RBMS3: variants seen among roughly 807,000 people sequenced by gnomAD.
RBMS3 encodes RNA-binding motif, single-stranded-interacting protein 3.
A neutral mutation model predicts 66.8 loss-of-function variants in RBMS3; 27 were observed. The ratio of observed to expected loss-of-function variants is 0.40; its 90% CI spans 0.30 to 0.56. The LOEUF is 0.56. RBMS3 is among the 20% of genes least tolerant of loss of function. The pLI, the probability that RBMS3 is intolerant of heterozygous loss-of-function variation, is 0.40. For missense variants in RBMS3, 513 were observed against 549.5 expected, an observed-to-expected ratio of 0.93 and a Z score of 0.66; for synonymous variants, 188 against 183.0, an observed-to-expected ratio of 1.03 and a Z score of -0.22.
chr3:29,308,813 A>G (rs910295865), intron 1 of RBMS3, among the ~76,000 whole-genome samples: 15 of 150,582 alleles, frequency 1.0e-4, no homozygotes, highest in Non-Finnish European at 5.9e-5. Flanking sequence ...AAAAAAAAAA[A>G]AAGAAGAAAG....
chr3:29,560,635 C>G (rs1240955850), intron 3 of RBMS3, among the ~76,000 whole-genome samples: 2 of 152,164 alleles, frequency 1.3e-5, no homozygotes, highest in African/African-American at 4.8e-5. Flanking sequence ...CAATAACATA[C>G]AATGGAATTA....
intron 1 of RBMS3, among the ~76,000 whole-genome samples, chr3:29,384,809 G>C (rs2038935208): frequency 1.3e-5 from 2 of 152,198 alleles, no homozygotes; most frequent in Admixed American, 6.5e-5. Context: ...GAGGGCCTCT[G>C]ACATTCCTCA....
chr3:29,864,499 G>T (rs570748073), intron 6 of RBMS3, among the ~76,000 whole-genome samples: 2 of 152,242 alleles, frequency 1.3e-5, no homozygotes, highest in East Asian at 3.9e-4. Flanking sequence ...TGTTGTTGTT[G>T]TTGTTGAAGA....
chr3:29,631,284 A>G (rs1284165611), intron 4 of RBMS3, among the ~76,000 whole-genome samples: 2 of 151,914 alleles, frequency 1.3e-5, no homozygotes, highest in African/African-American at 4.8e-5. Context: ...ATAGATGAAT[A>G]ATAACCTTGC....
chr3:29,732,462 G>A (rs1169384082), intron 4 of RBMS3, among the ~76,000 whole-genome samples: 3 of 152,112 alleles, frequency 2.0e-5, no homozygotes, highest in African/African-American at 7.2e-5. Flanking sequence ...CCCAGAAAAT[G>A]GTTTGACCAA....
At chr3:29,991,251 C>CATCTTGACATCACTCTCTCATGTTGT in intron 14 of RBMS3, 42 bp downstream of exon 14, 11 of 1,612,808 alleles carry the variant, frequency 6.8e-6, no homozygotes, top group Non-Finnish European at 9.3e-6. Flanking sequence ...CAAGATCAGC[C>CATCTTGACATCACTCTCTCATGTTGT]ATCTTGACAT....
chr3:29,873,047 T>C (rs1323647000), intron 7 of RBMS3, among the ~76,000 whole-genome samples: 1 of 152,204 alleles, frequency 6.6e-6, no homozygotes, highest in African/African-American at 2.4e-5. Context: ...AACTTTGTTC[T>C]TTCTGCTTAG....
At chr3:29,966,677 CTTTA>C (rs1267453525) in intron 12 of RBMS3, among the ~76,000 whole-genome samples, 4 of 152,198 alleles carry the variant, frequency 2.6e-5, no homozygotes, top group African/African-American at 7.2e-5. Flanking sequence ...TTTGGATGCC[CTTTA>C]TTTATTTCTC....
At chr3:29,670,355 G>T (rs1435964724) in intron 4 of RBMS3, among the ~76,000 whole-genome samples, 1 of 152,168 alleles carries the variant, frequency 6.6e-6, no homozygotes, top group African/African-American at 2.4e-5. Flanking sequence ...GAAGACGGAT[G>T]ATTTCTGCAT....
intron 1 of RBMS3, among the ~76,000 whole-genome samples, chr3:29,324,019 C>A (rs568811915): frequency 6.6e-6 from 1 of 150,644 alleles, no homozygotes; most frequent in South Asian, 2.1e-4. Context: ...AAATTCACTG[C>A]AAGCTAAATT....
chr3:29,991,678 C>T (rs1187906116), intron 14 of RBMS3: 1 of 152,508 alleles, frequency 6.6e-6, no homozygotes, highest in East Asian at 1.9e-4. Context: ...TTTGAAAAAG[C>T]TTGATATAGA....
intron 2 of RBMS3, among the ~76,000 whole-genome samples, chr3:29,481,445 C>G (rs1029448530): frequency 6.6e-6 from 1 of 152,102 alleles, no homozygotes; most frequent in Non-Finnish European, 1.5e-5. Context: ...CAGTGAGAAC[C>G]AAGAAATGGT....
At chr3:29,603,136 A>G (rs1023080711) in intron 4 of RBMS3, among the ~76,000 whole-genome samples, 14 of 152,038 alleles carry the variant, frequency 9.2e-5, no homozygotes, top group African/African-American at 3.4e-4. Context: ...TATCTTCTGA[A>G]CCAACCACAG....
chr3:29,778,655 A>T (rs2056511141), intron 6 of RBMS3, among the ~76,000 whole-genome samples: 1 of 151,846 alleles, frequency 6.6e-6, no homozygotes, highest in South Asian at 2.1e-4. Flanking sequence ...CCAGGATTTA[A>T]TTCTGTCACC....
At chr3:29,661,252 T>G (rs2050535715) in intron 4 of RBMS3, among the ~76,000 whole-genome samples, 1 of 152,158 alleles carries the variant, frequency 6.6e-6, no homozygotes, top group African/African-American at 2.4e-5. Flanking sequence ...GTTGTCCAGG[T>G]GGGGAGACAA....
At chr3:29,802,773 G>A (rs999571453) in intron 6 of RBMS3, among the ~76,000 whole-genome samples, 1 of 152,168 alleles carries the variant, frequency 6.6e-6, no homozygotes, top group South Asian at 2.1e-4. Flanking sequence ...TGGTGGCCTA[G>A]TAGAGTTAGG....
At chr3:29,948,486 A>C (rs564888115) in intron 12 of RBMS3, among the ~76,000 whole-genome samples, 1 of 151,942 alleles carries the variant, frequency 6.6e-6, no homozygotes, top group Admixed American at 6.6e-5. Flanking sequence ...TCAAAGAACA[A>C]GGAGAACAAG....
chr3:29,794,879 C>G (rs1213239314), intron 6 of RBMS3, among the ~76,000 whole-genome samples: 2 of 152,134 alleles, frequency 1.3e-5, no homozygotes, highest in African/African-American at 4.8e-5. Flanking sequence ...GGAGAAATAA[C>G]CTAATAAATT....
At chr3:29,650,452 A>T (rs1576439726) in intron 4 of RBMS3, among the ~76,000 whole-genome samples, 1 of 151,844 alleles carries the variant, frequency 6.6e-6, no homozygotes, top group African/African-American at 2.4e-5. Context: ...TATCACACCC[A>T]GCTAATTTTT....
Sources: allele counts gnomAD v4.1 joint callset (sites outside exome capture counted in the v4.1 genomes callset), GRCh38; gene constraint gnomAD v4.1.1; transcripts MANE v1.5; gene names NCBI Gene and HGNC (gene_info 2026-07-23, HGNC 2026-07-21).